The following TSPAN5 variants were observed in gnomAD, a reference collection of about 807,000 sequenced individuals.
The protein encoded by TSPAN5 is tetraspanin-5.
A neutral mutation model predicts 37.1 loss-of-function variants in TSPAN5; 10 were observed. The observed-to-expected ratio is 0.27, with a 90% CI of 0.17 to 0.46. The LOEUF (loss-of-function observed/expected upper bound fraction) is 0.46, where lower values mean the gene tolerates loss of function less well. Ranked by LOEUF, TSPAN5 falls within the 20% of genes least tolerant of loss-of-function variation. The pLI, the probability that TSPAN5 is intolerant of heterozygous loss-of-function variation, is 1.00. For synonymous variants in TSPAN5, 110 were observed against 118.9 expected (o/e 0.93, Z 0.48); for missense variants, 195 against 326.6 (o/e 0.60, Z 3.11).
chr4:98,542,664 A>G (rs1464594963), intron 1 of TSPAN5, among the ~76,000 whole-genome samples: 1 of 145,740 alleles, frequency 6.9e-6, no homozygotes, highest in Admixed American at 6.9e-5. Context: ...GGTTACAATT[A>G]GCTATGATCG....
intron 1 of TSPAN5, among the ~76,000 whole-genome samples, chr4:98,565,137 C>T (rs2110173486): frequency 6.6e-6 from 1 of 152,236 alleles, no homozygotes; most frequent in South Asian, 2.1e-4. Context: ...TCGTCATATC[C>T]TTTGTGACTG....
At chr4:98,600,305 A>G (rs1755855446) in intron 1 of TSPAN5, among the ~76,000 whole-genome samples, 1 of 152,198 alleles carries the variant, frequency 6.6e-6, no homozygotes, top group African/African-American at 2.4e-5. Context: ...TTCTTAAAAT[A>G]AGACAACAAT....
At chr4:98,489,334 G>C (rs1210195245) in intron 2 of TSPAN5, among the ~76,000 whole-genome samples, 1 of 152,118 alleles carries the variant, frequency 6.6e-6, no homozygotes, top group Non-Finnish European at 1.5e-5. Flanking sequence ...TAGTAAATAG[G>C]CTCACTAAAA....
At chr4:98,644,033 G>A (rs561151635) in intron 1 of TSPAN5, among the ~76,000 whole-genome samples, 14 of 152,206 alleles carry the variant, frequency 9.2e-5, no homozygotes, top group African/African-American at 3.4e-4. Context: ...GTTTCTTGGG[G>A]TTTAGTTTTC....
At chr4:98,607,965 G>C (rs1756079407) in intron 1 of TSPAN5, among the ~76,000 whole-genome samples, 1 of 151,958 alleles carries the variant, frequency 6.6e-6, no homozygotes, top group Non-Finnish European at 1.5e-5. Flanking sequence ...CCTGCCTCGG[G>C]CTCCCAAAGT....
chr4:98,638,621 A>G (rs1293154079), intron 1 of TSPAN5, among the ~76,000 whole-genome samples: 1 of 152,212 alleles, frequency 6.6e-6, no homozygotes, highest in Admixed American at 6.5e-5. Context: ...GGGGCAAGGG[A>G]CATGGCGCTT....
chr4:98,556,024 C>A (rs1271602188), intron 1 of TSPAN5, among the ~76,000 whole-genome samples: 8 of 136,296 alleles, frequency 5.9e-5, no homozygotes, highest in East Asian at 2.3e-4. Context: ...GCACACACCC[C>A]CACACACACA....
chr4:98,493,425 T>C (rs1753128590), intron 2 of TSPAN5, among the ~76,000 whole-genome samples: 1 of 152,094 alleles, frequency 6.6e-6, no homozygotes, highest in Non-Finnish European at 1.5e-5. Context: ...GGAACAAGGA[T>C]AAATGAGTGA....
At chr4:98,485,023 G>A (rs2110262375) in intron 3 of TSPAN5, 1 of 159,654 alleles carries the variant, frequency 6.3e-6, no homozygotes, top group Admixed American at 6.1e-5. Flanking sequence ...TGAGGCAGGA[G>A]AATCGCTTGA....
Position 98,500,611 on chromosome 4 carries a change from A to G in TSPAN5, c.132+7067T>C, listed in dbSNP as rs373230779. Among the ~76,000 whole-genome samples, 5 of 152,356 alleles carry G rather than the reference A, an allele frequency of 3.3e-5. No homozygotes were observed. In the South Asian group the frequency reaches 6.2e-4, roughly 19 times the overall value. ...GCCTTGGTTTCCCCACCTATGAAATAGAATGTCATTCTCTTAAAGTTAACT... is the reference window on the plus strand; with the variant it reads ...GCCTTGGTTTCCCCACCTATGAAATGGAATGTCATTCTCTTAAAGTTAACT... On this transcript the variant is annotated intron_variant, in intron 2 of 7. Transcript: ENST00000305798.
chr4:98,580,134 A>G (rs1755335873), intron 1 of TSPAN5, among the ~76,000 whole-genome samples: 1 of 152,174 alleles, frequency 6.6e-6, no homozygotes, highest in Non-Finnish European at 1.5e-5. Flanking sequence ...CAAAATTTCC[A>G]TTATCTTCTT....
intron 2 of TSPAN5, among the ~76,000 whole-genome samples, chr4:98,492,519 T>G (rs1452577381): frequency 1.3e-5 from 2 of 152,096 alleles, no homozygotes; most frequent in Admixed American, 1.3e-4. Context: ...CACAAAAGCT[T>G]TGAATACACT....
At position 98,632,057 on chromosome 4, in the gene TSPAN5, TTTTG is replaced by T. The variant is rs565264227; in HGVS notation, c.81+26085_81+26088del. 4.2e-3 allele frequency among the ~76,000 whole-genome samples: 634 copies of T among 152,244 alleles called. 7 individuals are homozygous for T. Among genetic ancestry groups the T allele is most frequent in the Non-Finnish European group, 4.1e-3 (279 of 68,010 alleles). ...AAAACCAGCTCTCCCCTAGAATGCA[TTTTG>T]TTTGTTTGGCCAAACACAATGCAAT... On this transcript the variant is annotated intron_variant, in intron 1 of 7. Coordinates refer to ENST00000305798, the MANE Select transcript of TSPAN5 (RefSeq NM_005723.4).
At chr4:98,526,714 T>C (rs1211807483) in intron 1 of TSPAN5, among the ~76,000 whole-genome samples, 1 of 147,770 alleles carries the variant, frequency 6.8e-6, no homozygotes, top group African/African-American at 2.5e-5. Flanking sequence ...TCAAGGGGGG[T>C]GGAGGATAGA....
intron 3 of TSPAN5, chr4:98,482,619 A>G (rs772725538): frequency 8.1e-5 from 13 of 160,016 alleles, no homozygotes; most frequent in Admixed American, 3.1e-4. Flanking sequence ...TTGATTCTCT[A>G]TGCAATATAT....
intron 1 of TSPAN5, among the ~76,000 whole-genome samples, chr4:98,609,070 A>T (rs559590916): frequency 4.6e-5 from 7 of 152,332 alleles, no homozygotes; most frequent in African/African-American, 1.4e-4. Context: ...TCAGGATTAG[A>T]CTAAGAAATC....
intron 1 of TSPAN5, among the ~76,000 whole-genome samples, chr4:98,566,837 GCAGGA>G (rs1755014455): frequency 1.3e-5 from 2 of 152,216 alleles, no homozygotes; most frequent in South Asian, 2.1e-4. Flanking sequence ...GGCACCGCAC[GCAGGA>G]CAGGAGATTC....
intron 1 of TSPAN5, among the ~76,000 whole-genome samples, chr4:98,548,886 G>GGGGGGT (rs373285784): frequency 7.0e-5 from 4 of 57,464 alleles, no homozygotes; most frequent in South Asian, 1.1e-3. Flanking sequence ...AGTATTCCAA[G>GGGGGGT]GTGTGTGTGT....
At chr4:98,504,028 T>A (rs1485310207) in intron 2 of TSPAN5, among the ~76,000 whole-genome samples, 1 of 152,244 alleles carries the variant, frequency 6.6e-6, no homozygotes, top group Non-Finnish European at 1.5e-5. Context: ...AATTATTATG[T>A]CTAATGTTGA....
Sources: gnomAD v4.1 joint callset for allele counts (sites outside exome capture counted in the v4.1 genomes callset) on GRCh38, gnomAD v4.1.1 for gene constraint, MANE v1.5 for transcripts, NCBI Gene and HGNC (gene_info 2026-07-23, HGNC 2026-07-21) for gene names.